RPS6KC1: variants seen among roughly 807,000 people sequenced by gnomAD.
RPS6KC1 encodes the protein ribosomal protein S6 kinase C1, also known as inactive ribosomal protein S6 kinase delta-1.
In RPS6KC1, 54 loss-of-function variants were observed where a neutral mutation model predicts 103.8. The ratio of observed to expected loss-of-function variants is 0.52; its 90% CI spans 0.42 to 0.65. RPS6KC1 has a LOEUF of 0.65. Among genes scored for constraint, RPS6KC1 ranks in the 30% least tolerant of loss-of-function variants. The pLI, the probability that RPS6KC1 is intolerant of heterozygous loss-of-function variation, is 0.00. For missense variants in RPS6KC1, 1,151 were observed against 1,253.8 expected (o/e 0.92, Z 1.24); for synonymous variants, 439 against 438.7 (o/e 1.00, Z -0.01).
the RPS6KC1 span, among the ~76,000 whole-genome samples, chr1:213,750,090 C>T: frequency 6.6e-6 from 1 of 152,306 alleles, no homozygotes; most frequent in African/African-American, 2.4e-5. Context: ...CAATCTGACA[C>T]TGTTAAATTC....
At chr1:213,717,956 G>C in the RPS6KC1 span, among the ~76,000 whole-genome samples, 6 of 152,066 alleles carry the variant, frequency 3.9e-5, no homozygotes, top group South Asian at 2.1e-4. Flanking sequence ...TCTCACAGCA[G>C]ATCCCTACTC....
the RPS6KC1 span, among the ~76,000 whole-genome samples, chr1:213,851,912 T>A: frequency 6.6e-6 from 1 of 152,154 alleles, no homozygotes; most frequent in Non-Finnish European, 1.5e-5. Flanking sequence ...TATTCTTCTC[T>A]CTCCCACAGT....
Position 213,274,288 on chromosome 1 carries a change from T to C in RPS6KC1, c.*1654T>C, listed in dbSNP as rs1050899046. The C allele has an allele frequency of 6.6e-6, 1 of 152,196 alleles. No homozygotes were observed. The highest frequency in any genetic ancestry group is 1.5e-5 in the Non-Finnish European group (1 of 68,042). 9.4% of individuals were successfully genotyped at this position (152,196 alleles called of 1,614,324 possible). ...GGTGAGACACAAGAATGACTTCCTG[T>C]GTAGGACTAGTAGGAAATCTGCAAG... On this transcript the variant is annotated 3_prime_UTR_variant, in exon 15 of 15. Coordinates refer to ENST00000366960, the MANE Select transcript of RPS6KC1 (RefSeq NM_012424.6).
intron 12 of RPS6KC1, among the ~76,000 whole-genome samples, chr1:213,250,709 A>G (rs2094530376): frequency 6.6e-6 from 1 of 152,216 alleles, no homozygotes; most frequent in Non-Finnish European, 1.5e-5. Context: ...GTTTTAGTTT[A>G]TAACTATTAG....
chr1:213,719,483 T>C, the RPS6KC1 span, among the ~76,000 whole-genome samples: 1 of 152,234 alleles, frequency 6.6e-6, no homozygotes, highest in South Asian at 2.1e-4. Context: ...TATGTGTGCA[T>C]GTGCATATAT....
intron 8 of RPS6KC1, among the ~76,000 whole-genome samples, chr1:213,195,697 G>A (rs2092920391): frequency 6.6e-6 from 1 of 152,088 alleles, no homozygotes; most frequent in African/African-American, 2.4e-5. Flanking sequence ...ACTTATAAGT[G>A]AGAACGTATG....
chr1:213,615,382 A>C, the RPS6KC1 span, among the ~76,000 whole-genome samples: 1 of 152,240 alleles, frequency 6.6e-6, no homozygotes, highest in East Asian at 1.9e-4. Flanking sequence ...GATAAACAGA[A>C]GACACCAGCC....
At chr1:213,439,536 G>A in the RPS6KC1 span, among the ~76,000 whole-genome samples, 1 of 152,166 alleles carries the variant, frequency 6.6e-6, no homozygotes, top group African/African-American at 2.4e-5. Flanking sequence ...CAGATACTGA[G>A]AGAGGTTGAA....
At chr1:213,337,824 C>T in the RPS6KC1 span, among the ~76,000 whole-genome samples, 1 of 152,132 alleles carries the variant, frequency 6.6e-6, no homozygotes. Context: ...TGCCCTCGTG[C>T]AGCGTATCAT....
the RPS6KC1 span, among the ~76,000 whole-genome samples, chr1:213,536,580 G>GA: frequency 0.047 from 7,221 of 152,216 alleles, 553 homozygotes; most frequent in African/African-American, 0.16. Context: ...ACCAAGACAG[G>GA]AAAGTGGGGC....
At chr1:213,433,511 T>C in the RPS6KC1 span, among the ~76,000 whole-genome samples, 12 of 152,382 alleles carry the variant, frequency 7.9e-5, no homozygotes, top group South Asian at 2.5e-3. Context: ...ATGAAATGGC[T>C]GGATCATACG....
At chr1:213,438,692 C>A in the RPS6KC1 span, among the ~76,000 whole-genome samples, 2 of 152,016 alleles carry the variant, frequency 1.3e-5, no homozygotes, top group East Asian at 3.9e-4. Context: ...GCCTCTCATT[C>A]TAGTACAGCT....
chr1:213,533,732 T>C, the RPS6KC1 span, among the ~76,000 whole-genome samples: 1 of 152,250 alleles, frequency 6.6e-6, no homozygotes, highest in East Asian at 1.9e-4. Context: ...GGTTATCATG[T>C]TGAATAATTT....
the RPS6KC1 span, among the ~76,000 whole-genome samples, chr1:213,768,507 A>G: frequency 2.0e-5 from 3 of 152,254 alleles, no homozygotes; most frequent in Admixed American, 6.5e-5. Context: ...AAGGAGGTAT[A>G]GAAATTGCAT....
At chr1:213,316,549 C>T in the RPS6KC1 span, among the ~76,000 whole-genome samples, 1 of 152,102 alleles carries the variant, frequency 6.6e-6, no homozygotes, top group South Asian at 2.1e-4. Flanking sequence ...ACTGAAATTG[C>T]TAGGGATATA....
At chr1:213,327,738 G>C in the RPS6KC1 span, among the ~76,000 whole-genome samples, 1 of 152,150 alleles carries the variant, frequency 6.6e-6, no homozygotes, top group South Asian at 2.1e-4. Context: ...TATTCAGAGA[G>C]GTAACTTTTC....
chr1:213,298,713 TTC>T, the RPS6KC1 span, among the ~76,000 whole-genome samples: 1 of 152,158 alleles, frequency 6.6e-6, no homozygotes, highest in African/African-American at 2.4e-5. Flanking sequence ...AATAATTCTT[TTC>T]TTTTATTTGA....
intron 8 of RPS6KC1, among the ~76,000 whole-genome samples, chr1:213,207,762 C>G (rs1490297977): frequency 6.6e-6 from 1 of 152,160 alleles, no homozygotes; most frequent in Non-Finnish European, 1.5e-5. Context: ...CAACCTCTGC[C>G]TCCTGAGTTC....
the RPS6KC1 span, among the ~76,000 whole-genome samples, chr1:213,777,252 G>A: frequency 1.3e-5 from 2 of 152,162 alleles, no homozygotes; most frequent in Non-Finnish European, 2.9e-5. Context: ...CATTTGGCCT[G>A]CCTTCCCCAC....
Sources: gnomAD v4.1 joint callset for allele counts (sites outside exome capture counted in the v4.1 genomes callset) on GRCh38, gnomAD v4.1.1 for gene constraint, MANE v1.5 for transcripts, NCBI Gene and HGNC (gene_info 2026-07-23, HGNC 2026-07-21) for gene names.